Variants in CACNA1E observed in about 807,000 individuals in gnomAD.
The protein encoded by CACNA1E is voltage-dependent R-type calcium channel subunit alpha-1E.
CACNA1E carries 40 observed loss-of-function variants against 259.2 expected under a neutral mutation model. The observed-to-expected ratio is 0.15, with a 90% CI of 0.12 to 0.20. The LOEUF (loss-of-function observed/expected upper bound fraction) is 0.20, where lower values mean the gene tolerates loss of function less well. Ranked by LOEUF, CACNA1E falls within the 10% of genes least tolerant of loss-of-function variation. The pLI is 1.00. For synonymous variants in CACNA1E, 1,104 were observed against 1,138.5 expected, an observed-to-expected ratio of 0.97 and a Z score of 0.61; for missense variants, 1,874 against 3,040.1, an observed-to-expected ratio of 0.62 and a Z score of 9.02.
intron 1 of CACNA1E, among the ~76,000 whole-genome samples, chr1:181,492,855 A>G (rs1428832329): frequency 6.6e-6 from 1 of 152,224 alleles, no homozygotes; most frequent in Admixed American, 6.5e-5. Context: ...GTTGAGCTCT[A>G]AAATGATTCT....
chr1:181,739,369 G>A (rs764168146), intron 25 of CACNA1E, 116 bp downstream of exon 25: 75 of 762,386 alleles, frequency 9.8e-5, no homozygotes, highest in Admixed American at 1.7e-4. Context: ...GAATGCCCCC[G>A]CTGGAAATCT....
intron 2 of CACNA1E, among the ~76,000 whole-genome samples, chr1:181,431,687 G>T (rs1659730848): frequency 6.6e-6 from 1 of 152,212 alleles, no homozygotes; most frequent in Non-Finnish European, 1.5e-5. Flanking sequence ...GTTGCATGGA[G>T]CCTGCTTTGC....
intron 1 of CACNA1E, among the ~76,000 whole-genome samples, chr1:181,352,185 A>T (rs1304341736): frequency 2.0e-5 from 3 of 152,208 alleles, no homozygotes; most frequent in Non-Finnish European, 1.5e-5. Flanking sequence ...TTTGATCAGC[A>T]GGAAAGAGGG....
intron 7 of CACNA1E, among the ~76,000 whole-genome samples, chr1:181,664,167 A>G (rs879755126): frequency 6.6e-6 from 1 of 152,168 alleles, no homozygotes; most frequent in Non-Finnish European, 1.5e-5. Context: ...TAAATGACAA[A>G]TGTAAGTGTG....
At chr1:181,641,714 T>TTTTG (rs1558217724) in intron 6 of CACNA1E, among the ~76,000 whole-genome samples, 4 of 73,710 alleles carry the variant, frequency 5.4e-5, no homozygotes, top group Admixed American at 1.7e-4. Context: ...TTTTTTTTTT[T>TTTTG]TTTTTTTTTT....
intron 43 of CACNA1E, among the ~76,000 whole-genome samples, chr1:181,787,118 TTTTG>T (rs747821488): frequency 2.8e-4 from 43 of 152,100 alleles, no homozygotes; most frequent in African/African-American, 5.3e-4. Flanking sequence ...TTACACTGTT[TTTTG>T]TTTGTTTGTT....
intron 2 of CACNA1E, among the ~76,000 whole-genome samples, chr1:181,418,186 C>G (rs992699856): frequency 5.3e-5 from 8 of 152,138 alleles, no homozygotes; most frequent in Non-Finnish European, 1.2e-4. Flanking sequence ...TTTTTAGAGA[C>G]AGGATTTTGC....
At chr1:181,356,358 G>A (rs1653437166) in intron 1 of CACNA1E, among the ~76,000 whole-genome samples, 1 of 152,108 alleles carries the variant, frequency 6.6e-6, no homozygotes, top group Non-Finnish European at 1.5e-5. Context: ...GTGTGTGTGT[G>A]TGTGTTCAAG....
At chr1:181,367,599 A>G in intron 1 of CACNA1E, among the ~76,000 whole-genome samples, 1 of 77,718 alleles carries the variant, frequency 1.3e-5, no homozygotes, top group East Asian at 2.9e-4. Context: ...ATATATAACT[A>G]TAATATAATT....
intron 6 of CACNA1E, among the ~76,000 whole-genome samples, chr1:181,604,946 G>A (rs1654087739): frequency 6.6e-6 from 1 of 152,164 alleles, no homozygotes; most frequent in Non-Finnish European, 1.5e-5. Flanking sequence ...TGGGAGACAT[G>A]AGAGAGGCCT....
In CACNA1E at chr1:181,483,957, C is replaced by T; in HGVS notation, c.213C>T (p.Ile71=). 6.2e-7 allele frequency: 1 copy of T among 1,613,678 alleles called. No individual in the cohort carries two copies. Among genetic ancestry groups the T allele is most frequent in the Non-Finnish European group, 8.5e-7 (1 of 1,179,674 alleles). The part of the protein sequence containing the change: ...NCFTVNRSLF[I]FGEDNIVRKY... ...TCACCGTCAACAGATCCCTGTTCATCTTCGGAGAAGATAACATTGTCAGGA... is the reference window on the plus strand; with the variant it reads ...TCACCGTCAACAGATCCCTGTTCATTTTCGGAGAAGATAACATTGTCAGGA... Residue 71 remains isoleucine, a synonymous_variant, in exon 1 of 48, where the codon ATC becomes ATT. Coordinates refer to ENST00000367573, the MANE Select transcript of CACNA1E (RefSeq NM_001205293.3).
At chr1:181,437,181 A>G (rs940131776) in intron 2 of CACNA1E, among the ~76,000 whole-genome samples, 1 of 152,180 alleles carries the variant, frequency 6.6e-6, no homozygotes, top group African/African-American at 2.4e-5. Flanking sequence ...TTATTGCCAC[A>G]GACTTCTGTG....
chr1:181,728,498 G>A (rs929906299), intron 18 of CACNA1E, among the ~76,000 whole-genome samples: 8 of 152,248 alleles, frequency 5.3e-5, no homozygotes, highest in African/African-American at 1.9e-4. Flanking sequence ...CCACCTCCGG[G>A]TGTGTGTGCC....
rs543827048 is a variant in CACNA1E at position 181,566,547 on chromosome 1, G to C, written c.513-11219G>C. On this transcript the variant is annotated intron_variant, in intron 3 of 47. Coordinates refer to ENST00000367573, the MANE Select transcript of CACNA1E (RefSeq NM_001205293.3). Reference sequence around the variant, plus strand: ...TTGACCTTTGTTTCTATCATACTGAGGTTAAGCAAACTCTTTATTTCTGTA... The same window carrying C: ...TTGACCTTTGTTTCTATCATACTGACGTTAAGCAAACTCTTTATTTCTGTA... Among the ~76,000 whole-genome samples the C allele has an allele frequency of 1.1e-4, 17 of 152,234 alleles. No homozygotes were observed. In the South Asian group the frequency reaches 3.5e-3, roughly 32 times the overall value.
intron 1 of CACNA1E, among the ~76,000 whole-genome samples, chr1:181,499,686 A>G (rs75533039): frequency 0.041 from 6,198 of 152,292 alleles, 404 homozygotes; most frequent in African/African-American, 0.14. Context: ...GGGAACTTCT[A>G]GAAATGCTGA....
At chr1:181,448,034 T>G (rs768851368) in intron 2 of CACNA1E, among the ~76,000 whole-genome samples, 22 of 152,238 alleles carry the variant, frequency 1.4e-4, no homozygotes, top group Admixed American at 8.5e-4. Context: ...ACCATGATAA[T>G]CCATGATAAA....
At chr1:181,419,163 A>G (rs1658518621) in intron 2 of CACNA1E, among the ~76,000 whole-genome samples, 2 of 152,104 alleles carry the variant, frequency 1.3e-5, no homozygotes, top group African/African-American at 4.8e-5. Flanking sequence ...GTCTTAAGAA[A>G]TATTTCATAT....
chr1:181,615,548 T>G (rs1380033210), intron 6 of CACNA1E, among the ~76,000 whole-genome samples: 1 of 152,228 alleles, frequency 6.6e-6, no homozygotes. Context: ...TTTAAAGTTC[T>G]GTTTTCTAGT....
rs3834054 is a variant in CACNA1E, at chr1:181,704,494, C to CCTTG, written c.1056-6459_1056-6456dup. ...TCCTAAAGCAAAGACTTTACAGGAA[C>CCTTG]CTTGGCAAGGTTTCCCTATGGGTAG... On this transcript the variant is annotated intron_variant, in intron 7 of 47. Coordinates refer to ENST00000367573, the MANE Select transcript of CACNA1E (RefSeq NM_001205293.3). 2.0e-4 allele frequency among the ~76,000 whole-genome samples: 31 copies of CCTTG among 152,270 alleles called. No individual in the cohort carries two copies. In the East Asian group the frequency reaches 5.6e-3, roughly 28 times the overall value.
Sources: allele counts gnomAD v4.1 joint callset (sites outside exome capture counted in the v4.1 genomes callset), GRCh38; gene constraint gnomAD v4.1.1; transcripts MANE v1.5; gene names NCBI Gene and HGNC (gene_info 2026-07-23, HGNC 2026-07-21).